STXBP5: variants seen among roughly 807,000 people sequenced by gnomAD.
STXBP5 encodes the protein syntaxin binding protein 5.
A neutral mutation model predicts 152.4 loss-of-function variants in STXBP5; 50 were observed. That is an observed-to-expected ratio of 0.33 (90% CI 0.26 to 0.42). The LOEUF (loss-of-function observed/expected upper bound fraction) is 0.42. STXBP5 is among the 10% of genes least tolerant of loss of function. The pLI, the probability that STXBP5 is intolerant of heterozygous loss-of-function variation, is 1.00. For missense variants in STXBP5, 1,167 were observed against 1,388.6 expected (o/e 0.84, Z 2.54); for synonymous variants, 492 against 494.7 (o/e 0.99, Z 0.07).
intron 22 of STXBP5, among the ~76,000 whole-genome samples, chr6:147,358,386 G>C (rs1217309735): frequency 6.6e-6 from 1 of 152,194 alleles, no homozygotes; most frequent in Non-Finnish European, 1.5e-5. Flanking sequence ...CAAGGGCTAA[G>C]CAGCCAGGAC....
Position 147,339,352 on chromosome 6 carries a change from GAA to G in STXBP5, c.2224_2225del (p.Lys742ValfsTer8). 6.7e-7 allele frequency: 1 copy of G among 1,500,106 alleles called. No individual in the cohort carries two copies. The highest frequency in any genetic ancestry group is 8.8e-7 in the Non-Finnish European group (1 of 1,132,168). 92.9% of individuals were successfully genotyped at this position (1,500,106 alleles called of 1,614,324 possible). ...TTGTTTTCAGTGAAGACCAAAAGCA[GAA>G]AGTTTTCCAAGATGGTAGCCAATGA... On this transcript the variant is annotated frameshift_variant, in exon 21 of 28. Transcript: ENST00000321680. LOFTEE classifies it high-confidence loss of function.
intron 19 of STXBP5, among the ~76,000 whole-genome samples, chr6:147,337,066 G>A (rs949422337): frequency 1.3e-5 from 2 of 151,816 alleles, no homozygotes; most frequent in Non-Finnish European, 2.9e-5. Context: ...CATCCTGAAC[G>A]AATGAAGGGA....
intron 26 of STXBP5, among the ~76,000 whole-genome samples, chr6:147,375,962 A>G (rs997657551): frequency 3.3e-5 from 5 of 152,188 alleles, no homozygotes; most frequent in Non-Finnish European, 7.4e-5. Context: ...ACATTTTTAG[A>G]CAAATAAGTA....
intron 16 of STXBP5, among the ~76,000 whole-genome samples, chr6:147,317,499 T>C (rs975456031): frequency 1.3e-5 from 2 of 152,130 alleles, no homozygotes; most frequent in African/African-American, 4.8e-5. Flanking sequence ...GGAGATGCTA[T>C]TGACACTTAG....
intron 19 of STXBP5, among the ~76,000 whole-genome samples, chr6:147,338,016 C>CAA (rs1490172177): frequency 4.6e-5 from 7 of 152,050 alleles, no homozygotes; most frequent in African/African-American, 1.7e-4. Flanking sequence ...TATGTGGTGT[C>CAA]AAATTTTGAC....
chr6:147,361,482 A>G (rs1041397000), intron 23 of STXBP5, among the ~76,000 whole-genome samples: 4 of 152,206 alleles, frequency 2.6e-5, no homozygotes, highest in African/African-American at 7.2e-5. Context: ...AAAATATATC[A>G]GTGACACTCA....
intron 16 of STXBP5, among the ~76,000 whole-genome samples, chr6:147,322,917 A>G (rs533108944): frequency 6.6e-6 from 1 of 152,306 alleles, no homozygotes; most frequent in South Asian, 2.1e-4. Flanking sequence ...CCTAATGACA[A>G]GTTTAGTTCA....
Position 147,387,590 on chromosome 6 carries a change from G to A in STXBP5, c.*2835G>A, listed in dbSNP as rs756739591. 3 of 151,624 alleles carry A rather than the reference G, an allele frequency of 2.0e-5. No homozygotes were observed. Among genetic ancestry groups the A allele is most frequent in the African/African-American group, 4.8e-5 (2 of 41,352 alleles). 9.4% of individuals were successfully genotyped at this position (151,624 alleles called of 1,614,324 possible). ...GTACATTACATCCATTTGAAGTTTT[G>A]CATCATCTTAACACTTTTGCTTTGC... On this transcript the variant is annotated 3_prime_UTR_variant, in exon 28 of 28. Coordinates refer to ENST00000321680, the MANE Select transcript of STXBP5 (RefSeq NM_001127715.4).
intron 9 of STXBP5, among the ~76,000 whole-genome samples, chr6:147,302,350 A>C (rs1270950471): frequency 6.6e-6 from 1 of 152,194 alleles, no homozygotes; most frequent in Non-Finnish European, 1.5e-5. Flanking sequence ...GAAAGCCAGC[A>C]TAATACGCTC....
intron 7 of STXBP5, among the ~76,000 whole-genome samples, chr6:147,276,377 A>G (rs1780443806): frequency 1.3e-5 from 2 of 152,134 alleles, no homozygotes; most frequent in Admixed American, 1.3e-4. Context: ...CACTGGTTCC[A>G]GTAATTAGGT....
chr6:147,355,521 A>T (rs1371635478), intron 22 of STXBP5, among the ~76,000 whole-genome samples: 1 of 152,142 alleles, frequency 6.6e-6, no homozygotes. Flanking sequence ...TAGAACTTTA[A>T]TTCTCAATAA....
intron 6 of STXBP5, among the ~76,000 whole-genome samples, chr6:147,263,637 A>G (rs143422295): frequency 6.6e-6 from 1 of 152,092 alleles, no homozygotes. Context: ...GTTGTGCTGA[A>G]GCAAATAGTT....
At chr6:147,259,462 A>T (rs1347712684) in intron 4 of STXBP5, among the ~76,000 whole-genome samples, 1 of 152,212 alleles carries the variant, frequency 6.6e-6, no homozygotes, top group Non-Finnish European at 1.5e-5. Flanking sequence ...CTCAACAGAA[A>T]TTACAAGTAG....
intron 25 of STXBP5, among the ~76,000 whole-genome samples, chr6:147,364,576 C>T (rs951504879): frequency 6.6e-6 from 1 of 152,130 alleles, no homozygotes; most frequent in African/African-American, 2.4e-5. Context: ...AGGATATTTA[C>T]ACAGAAGAAA....
intron 2 of STXBP5, among the ~76,000 whole-genome samples, chr6:147,232,395 C>T (rs569013390): frequency 1.3e-5 from 2 of 151,716 alleles, no homozygotes; most frequent in Non-Finnish European, 3.0e-5. Context: ...AAATTTGTGT[C>T]CTTTCTATGT....
intron 2 of STXBP5, among the ~76,000 whole-genome samples, chr6:147,233,250 T>A (rs972006805): frequency 2.0e-5 from 3 of 151,764 alleles, no homozygotes; most frequent in African/African-American, 7.2e-5. Flanking sequence ...TATAAATGAC[T>A]GGAAAAGAAA....
chr6:147,295,912 G>A (rs974939283), intron 9 of STXBP5, among the ~76,000 whole-genome samples: 2 of 152,190 alleles, frequency 1.3e-5, no homozygotes, highest in Non-Finnish European at 2.9e-5. Context: ...CAGGGGACCA[G>A]TAGCCACTTC....
intron 2 of STXBP5, among the ~76,000 whole-genome samples, chr6:147,208,416 T>C (rs145825067): frequency 1.6e-4 from 24 of 152,302 alleles, no homozygotes; most frequent in African/African-American, 5.3e-4. Context: ...TGTTAGTGTC[T>C]CTTTCTTTGT....
chr6:147,369,773 A>G (rs1331683192), intron 25 of STXBP5, among the ~76,000 whole-genome samples: 1 of 152,070 alleles, frequency 6.6e-6, no homozygotes, highest in Non-Finnish European at 1.5e-5. Flanking sequence ...ATTAAAAAGA[A>G]TACCATGCCA....
Sources: gnomAD v4.1 joint callset for allele counts (sites outside exome capture counted in the v4.1 genomes callset) on GRCh38, gnomAD v4.1.1 for gene constraint, MANE v1.5 for transcripts, NCBI Gene and HGNC (gene_info 2026-07-23, HGNC 2026-07-21) for gene names.